MDGA2: variants seen among roughly 807,000 people sequenced by gnomAD.
The protein encoded by MDGA2 is MAM domain containing glycosylphosphatidylinositol anchor 2, also known as MAM domain-containing glycosylphosphatidylinositol anchor protein 2.
MDGA2 carries 40 observed loss-of-function variants against 117.8 expected under a neutral mutation model. The ratio of observed to expected loss-of-function variants is 0.34; its 90% CI spans 0.26 to 0.44. The LOEUF is 0.44. Ranked by LOEUF, MDGA2 falls within the 20% of genes least tolerant of loss-of-function variation. The pLI is 1.00. For missense variants in MDGA2, 1,123 were observed against 1,250.6 expected (o/e 0.90, Z 1.54); for synonymous variants, 452 against 439.0 (o/e 1.03, Z -0.37).
chr14:47,152,939 G>A (rs959884272), intron 3 of MDGA2, among the ~76,000 whole-genome samples: 1 of 152,106 alleles, frequency 6.6e-6, no homozygotes, highest in Admixed American at 6.5e-5. Flanking sequence ...CACAAGTATA[G>A]AGTAATGTAT....
At chr14:47,537,070 A>G (rs899804890) in intron 1 of MDGA2, among the ~76,000 whole-genome samples, 5 of 152,154 alleles carry the variant, frequency 3.3e-5, no homozygotes, top group African/African-American at 9.7e-5. Flanking sequence ...ATCCATGAAG[A>G]AAAAAAGACT....
At chr14:47,413,881 G>C (rs1443639267) in intron 1 of MDGA2, among the ~76,000 whole-genome samples, 1 of 152,064 alleles carries the variant, frequency 6.6e-6, no homozygotes, top group Non-Finnish European at 1.5e-5. Context: ...ATTAGAATTA[G>C]AGGAACAGAA....
At chr14:47,547,828 C>A (rs1244222570) in intron 1 of MDGA2, among the ~76,000 whole-genome samples, 1 of 152,114 alleles carries the variant, frequency 6.6e-6, no homozygotes, top group Non-Finnish European at 1.5e-5. Context: ...TTTGTAAATG[C>A]ATAAAAATTA....
At chr14:46,903,728 C>G (rs1035135989) in intron 10 of MDGA2, among the ~76,000 whole-genome samples, 45 of 152,004 alleles carry the variant, frequency 3.0e-4, no homozygotes, top group Admixed American at 3.3e-4. Context: ...ATGTGGAATA[C>G]TGGAATGCCT....
At chr14:46,924,646 A>C (rs1884257651) in intron 9 of MDGA2, among the ~76,000 whole-genome samples, 1 of 152,102 alleles carries the variant, frequency 6.6e-6, no homozygotes, top group South Asian at 2.1e-4. Flanking sequence ...CTAGATAAAT[A>C]AAATGAGCCC....
chr14:47,264,477 T>A (rs1490115834), intron 2 of MDGA2, among the ~76,000 whole-genome samples: 1 of 152,114 alleles, frequency 6.6e-6, no homozygotes, highest in Non-Finnish European at 1.5e-5. Flanking sequence ...ACAGAGTGAA[T>A]TGGACATCGA....
rs114711360 is a variant in MDGA2, at chr14:47,140,541, T to C, written c.792+3537A>G. ...ACCAAATCAACACACTTACAGCCAATGAATTTTCAACAAAAGTGCTAAAAT... is the reference window on the plus strand; with the variant it reads ...ACCAAATCAACACACTTACAGCCAACGAATTTTCAACAAAAGTGCTAAAAT... On this transcript the variant is annotated intron_variant, in intron 4 of 16. Coordinates refer to ENST00000399232, the MANE Select transcript of MDGA2 (RefSeq NM_001113498.3). 8.9e-4 allele frequency among the ~76,000 whole-genome samples: 136 copies of C among 152,168 alleles called. 1 individual carries two copies. Among genetic ancestry groups the C allele is most frequent in the African/African-American group, 3.2e-3 (134 of 41,556 alleles).
rs113705376 is a variant in MDGA2, at chr14:46,973,070, T to C, written c.1820-15427A>G. On this transcript the variant is annotated intron_variant, in intron 8 of 16. Coordinates refer to ENST00000399232, the MANE Select transcript of MDGA2 (RefSeq NM_001113498.3). Reference sequence around the variant, plus strand: ...TGCAAATTAAAACAATAAAATACCATGATACGGCTACTAGAATGCCCAAAA... The same window carrying C: ...TGCAAATTAAAACAATAAAATACCACGATACGGCTACTAGAATGCCCAAAA... Among the ~76,000 whole-genome samples, 159 of 152,194 alleles carry C rather than the reference T, an allele frequency of 1.0e-3. 2 individuals carry two copies. Among genetic ancestry groups the C allele is most frequent in the African/African-American group, 3.6e-3 (151 of 41,532 alleles).
intron 3 of MDGA2, among the ~76,000 whole-genome samples, chr14:47,189,271 T>C (rs1202143804): frequency 6.6e-6 from 1 of 151,982 alleles, no homozygotes; most frequent in East Asian, 1.9e-4. Context: ...CGCTAAACTA[T>C]ATGAACAATT....
intron 1 of MDGA2, among the ~76,000 whole-genome samples, chr14:47,535,546 T>C (rs1895193104): frequency 6.6e-6 from 1 of 152,184 alleles, no homozygotes; most frequent in Non-Finnish European, 1.5e-5. Context: ...GTCAGCTCTG[T>C]GTTAGAAAGG....
intron 2 of MDGA2, among the ~76,000 whole-genome samples, chr14:47,233,392 T>C (rs1886753941): frequency 2.0e-5 from 3 of 152,106 alleles, no homozygotes; most frequent in African/African-American, 7.2e-5. Flanking sequence ...ATGATAAAGA[T>C]TTGGTCGTCT....
At chr14:47,053,601 GTATATATATATATA>G (rs373802720) in intron 7 of MDGA2, among the ~76,000 whole-genome samples, 38,156 of 107,544 alleles carry the variant, frequency 0.35, 7,326 homozygotes, top group East Asian at 0.56. Flanking sequence ...GTGTGTATGT[GTATATATATATATA>G]TATATATATA....
chr14:47,623,767 A>G (rs192289529), intron 1 of MDGA2, among the ~76,000 whole-genome samples: 1 of 152,318 alleles, frequency 6.6e-6, no homozygotes, highest in Admixed American at 6.5e-5. Context: ...TGAGTTTGTA[A>G]TGGATTATAA....
At chr14:47,359,201 A>C (rs1891059082) in intron 1 of MDGA2, among the ~76,000 whole-genome samples, 2 of 152,134 alleles carry the variant, frequency 1.3e-5, no homozygotes, top group Non-Finnish European at 2.9e-5. Flanking sequence ...TAAAAATGCA[A>C]AAATTAGCTG....
At chr14:47,151,010 G>C (rs1377432880) in intron 3 of MDGA2, among the ~76,000 whole-genome samples, 2 of 151,802 alleles carry the variant, frequency 1.3e-5, no homozygotes, top group Non-Finnish European at 2.9e-5. Flanking sequence ...TGGCTGCTGA[G>C]TGATCCACCT....
chr14:46,854,890 A>T lies in MDGA2; in HGVS notation c.2883+134T>A, dbSNP rs980027630. ...AAAACAGCTTTTAGAACTAAAGCAA[A>T]ACCTAATCATATAATTTTTGTGATG... On this transcript the variant is annotated intron_variant, in intron 15 of 16. Coordinates refer to ENST00000399232, the MANE Select transcript of MDGA2 (RefSeq NM_001113498.3). The T allele has an allele frequency of 4.0e-6, 3 of 752,516 alleles. No homozygotes were observed. In the African/African-American group the frequency reaches 5.5e-5, roughly 14 times the overall value. The allele number at this position is 752,516 out of a possible 1,614,324, so 46.6% of individuals were successfully genotyped here.
chr14:47,327,646 T>C (rs1311805387), intron 1 of MDGA2, among the ~76,000 whole-genome samples: 1 of 152,220 alleles, frequency 6.6e-6, no homozygotes, highest in African/African-American at 2.4e-5. Context: ...TTTATTCACA[T>C]CGTATAATGC....
intron 10 of MDGA2, among the ~76,000 whole-genome samples, chr14:46,905,710 T>A (rs1352000706): frequency 6.6e-6 from 1 of 152,102 alleles, no homozygotes; most frequent in African/African-American, 2.4e-5. Flanking sequence ...AATGAAATAT[T>A]CATAAGCATA....
chr14:47,004,778 G>C (rs546133777), intron 8 of MDGA2, among the ~76,000 whole-genome samples: 2 of 151,734 alleles, frequency 1.3e-5, no homozygotes, highest in South Asian at 4.1e-4. Context: ...AGCTTTTAGT[G>C]TGCAGGTCTT....
Sources: gnomAD v4.1 joint callset for allele counts (sites outside exome capture counted in the v4.1 genomes callset) on GRCh38, gnomAD v4.1.1 for gene constraint, MANE v1.5 for transcripts, NCBI Gene and HGNC (gene_info 2026-07-23, HGNC 2026-07-21) for gene names.